Variants in RERG observed in about 807,000 individuals in gnomAD.
RERG encodes ras-related and estrogen-regulated growth inhibitor.
A neutral mutation model predicts 23.2 loss-of-function variants in RERG; 25 were observed. That is an observed-to-expected ratio of 1.08 (90% CI 0.79 to 1.50). RERG has a LOEUF of 1.50. RERG is among the 40% of genes most tolerant of loss of function. RERG has a pLI of 0.00. For missense variants in RERG, 253 were observed against 250.1 expected, an observed-to-expected ratio of 1.01 and a Z score of -0.08; for synonymous variants, 81 against 89.1, an observed-to-expected ratio of 0.91 and a Z score of 0.51.
At chr12:15,151,540 T>C (rs1864442839) in intron 2 of RERG, among the ~76,000 whole-genome samples, 1 of 152,210 alleles carries the variant, frequency 6.6e-6, no homozygotes, top group Non-Finnish European at 1.5e-5. Flanking sequence ...ATTGTAGATG[T>C]AGATATTCAA....
intron 2 of RERG, among the ~76,000 whole-genome samples, chr12:15,205,944 A>G (rs1033613384): frequency 1.3e-5 from 2 of 152,010 alleles, no homozygotes; most frequent in African/African-American, 4.8e-5. Flanking sequence ...ATCTGACTTT[A>G]ATTTGGTTTT....
chr12:15,139,877 C>T (rs190980367), intron 2 of RERG, among the ~76,000 whole-genome samples: 7 of 152,172 alleles, frequency 4.6e-5, no homozygotes, highest in Admixed American at 2.0e-4. Context: ...GAGGGGATAT[C>T]CTTGCCTTGT....
rs370047461 is a variant in RERG, at chr12:15,109,487, G to C, written c.223C>G (p.Arg75Gly). The C allele has an allele frequency of 1.2e-6, 2 of 1,609,474 alleles. No individual in the cohort carries two copies. Among genetic ancestry groups the C allele is most frequent in the East Asian group, 2.2e-5 (1 of 44,766 alleles). ...EDTIQREGHM[R>G]WGEGFVLVYD... ...ACCAGCACAAAGCCTTCCCCCCATC[G>C]CATGTGCCCCTCCCTCTGAATGGTA... The change falls in exon 5 of 5, where the codon CGA becomes GGA. Residue 75 changes from arginine (R) to glycine (G), a missense_variant. Arg to Gly is a moderately radical substitution (Grantham distance 125). Transcript: ENST00000256953.
At chr12:15,159,052 AATGAT>A (rs1864565099) in intron 2 of RERG, among the ~76,000 whole-genome samples, 1 of 152,190 alleles carries the variant, frequency 6.6e-6, no homozygotes, top group Non-Finnish European at 1.5e-5. Context: ...ATAATTTCCG[AATGAT>A]AGTTTTCTAA....
chr12:15,159,286 C>G lies in RERG; in HGVS notation c.62-38167G>C, dbSNP rs1246268195. Among the ~76,000 whole-genome samples the G allele has an allele frequency of 2.0e-5, 3 of 152,090 alleles. No individual in the cohort carries two copies. The East Asian group carries it at 5.8e-4, about 29-fold the overall frequency. ...TGGTTCTTGTGTCCTCTTGATAGGT[C>G]CCTACCATTTGTGGCCTACAACCAC... is the stretch of plus-strand genomic sequence containing the variant. On this transcript the variant is annotated intron_variant, in intron 2 of 4. Transcript: ENST00000256953.
At chr12:15,179,466 T>G (rs757190100) in intron 2 of RERG, among the ~76,000 whole-genome samples, 7 of 152,232 alleles carry the variant, frequency 4.6e-5, no homozygotes, top group Non-Finnish European at 8.8e-5. Flanking sequence ...GATCTGTACC[T>G]GCTGGAAGGC....
chr12:15,186,327 T>A (rs1468451328), intron 2 of RERG, among the ~76,000 whole-genome samples: 2 of 152,062 alleles, frequency 1.3e-5, no homozygotes, highest in Non-Finnish European at 2.9e-5. Context: ...GCAATTCATT[T>A]TGTCTGGATG....
chr12:15,180,229 G>A (rs1864905403), intron 2 of RERG, among the ~76,000 whole-genome samples: 2 of 152,184 alleles, frequency 1.3e-5, no homozygotes, highest in Admixed American at 6.5e-5. Flanking sequence ...GACATATGTA[G>A]TGAACAAAGA....
intron 2 of RERG, among the ~76,000 whole-genome samples, chr12:15,153,666 G>C (rs894818241): frequency 6.6e-6 from 1 of 152,080 alleles, no homozygotes; most frequent in Non-Finnish European, 1.5e-5. Context: ...ATGGCACCCA[G>C]AATAAATGCA....
At chr12:15,175,177 G>A (rs571917981) in intron 2 of RERG, among the ~76,000 whole-genome samples, 2 of 145,522 alleles carry the variant, frequency 1.4e-5, no homozygotes, top group Non-Finnish European at 3.0e-5. Context: ...TTTTTTTTTT[G>A]TTTTGTAACT....
intron 2 of RERG, among the ~76,000 whole-genome samples, chr12:15,184,780 A>C (rs1211032359): frequency 6.6e-6 from 1 of 152,216 alleles, no homozygotes; most frequent in African/African-American, 2.4e-5. Context: ...CATTTTAAGA[A>C]GGTCAGCCTT....
intron 2 of RERG, among the ~76,000 whole-genome samples, chr12:15,197,321 T>A (rs2136138604): frequency 6.6e-6 from 1 of 152,232 alleles, no homozygotes; most frequent in Middle Eastern, 3.4e-3. Flanking sequence ...TCATAAACAA[T>A]TCAATGTGAA....
intron 2 of RERG, among the ~76,000 whole-genome samples, chr12:15,135,258 A>G (rs11056367): frequency 0.34 from 52,148 of 152,072 alleles, 9,990 homozygotes; most frequent in Admixed American, 0.44. Flanking sequence ...AAAGTGATTG[A>G]CCTGTATCCT....
intron 2 of RERG, among the ~76,000 whole-genome samples, chr12:15,154,500 A>G (rs1864492623): frequency 6.6e-6 from 1 of 152,226 alleles, no homozygotes; most frequent in Admixed American, 6.5e-5. Flanking sequence ...AGAATCAGGG[A>G]TTGATTGTAT....
chr12:15,214,383 T>C (rs1408026994), intron 2 of RERG, among the ~76,000 whole-genome samples: 4 of 152,162 alleles, frequency 2.6e-5, no homozygotes, highest in Admixed American at 6.5e-5. Flanking sequence ...GACTCCTCGT[T>C]AGCAAATGGG....
chr12:15,118,598 G>C (rs1863774047), intron 3 of RERG, among the ~76,000 whole-genome samples: 1 of 152,168 alleles, frequency 6.6e-6, no homozygotes, highest in African/African-American at 2.4e-5. Flanking sequence ...CCTGGTGGGA[G>C]GGGATTGGAG....
intron 2 of RERG, among the ~76,000 whole-genome samples, chr12:15,135,172 C>T (rs1864122449): frequency 6.6e-6 from 1 of 152,146 alleles, no homozygotes; most frequent in Admixed American, 6.5e-5. Context: ...CTAAATATTT[C>T]ATCTTGTGCT....
chr12:15,178,586 G>A (rs1050549501), intron 2 of RERG, among the ~76,000 whole-genome samples: 6 of 152,220 alleles, frequency 3.9e-5, no homozygotes, highest in African/African-American at 4.8e-5. Context: ...GAACTTATGC[G>A]AGTTACTTAC....
At chr12:15,124,103 T>C (rs1043711284) in intron 2 of RERG, among the ~76,000 whole-genome samples, 1 of 152,154 alleles carries the variant, frequency 6.6e-6, no homozygotes, top group South Asian at 2.1e-4. Context: ...ATGGAAAATT[T>C]GGTAAAGAAA....
Sources: allele counts gnomAD v4.1 joint callset (sites outside exome capture counted in the v4.1 genomes callset), GRCh38; gene constraint gnomAD v4.1.1; transcripts MANE v1.5; gene names NCBI Gene and HGNC (gene_info 2026-07-23, HGNC 2026-07-21).